SGCZ: variants seen among roughly 807,000 people sequenced by gnomAD.
SGCZ encodes the protein sarcoglycan zeta, also known as zeta-sarcoglycan.
In SGCZ, 40 loss-of-function variants were observed where a neutral mutation model predicts 41.3. That is an observed-to-expected ratio of 0.97 (90% confidence interval 0.75 to 1.26). The LOEUF (loss-of-function observed/expected upper bound fraction) is 1.26. Ranked by LOEUF, SGCZ falls within the 50% of genes most tolerant of loss-of-function variation. The pLI, the probability that SGCZ is intolerant of heterozygous loss-of-function variation, is 0.00. For synonymous variants in SGCZ, 206 were observed against 137.5 expected, an observed-to-expected ratio of 1.50 and a Z score of -3.49; for missense variants, 552 against 369.8, an observed-to-expected ratio of 1.49 and a Z score of -4.04.
At chr8:14,739,757 G>A (rs1227633989) in intron 1 of SGCZ, among the ~76,000 whole-genome samples, 1 of 151,988 alleles carries the variant, frequency 6.6e-6, no homozygotes, top group Non-Finnish European at 1.5e-5. Flanking sequence ...ACGTTAAAAG[G>A]AAAGGGGAAA....
At position 14,999,091 on chromosome 8, in the gene SGCZ, C is replaced by G. The variant is rs996842214; in HGVS notation, c.39+238494G>C. Among the ~76,000 whole-genome samples the G allele has an allele frequency of 6.6e-5, 10 of 152,286 alleles. 1 individual carries two copies. Among genetic ancestry groups the G allele is most frequent in the Admixed American group, 3.3e-4 (5 of 15,302 alleles). ...ATGGACAACACCTTTAGGGTGTTAT[C>G]TCTTACTGATTCTGACTGATTATTT... On this transcript the variant is annotated intron_variant, in intron 1 of 7. Coordinates refer to ENST00000382080, the MANE Select transcript of SGCZ (RefSeq NM_139167.4).
chr8:15,022,617 C>A (rs779553139), intron 1 of SGCZ, among the ~76,000 whole-genome samples: 2 of 152,180 alleles, frequency 1.3e-5, no homozygotes, highest in African/African-American at 2.4e-5. Context: ...GCTGGGATCA[C>A]AGGCGTGAAC....
chr8:14,909,500 T>G (rs1799219880), intron 1 of SGCZ, among the ~76,000 whole-genome samples: 1 of 152,176 alleles, frequency 6.6e-6, no homozygotes, highest in South Asian at 2.1e-4. Context: ...AAATTATCTG[T>G]GTCTGATTTA....
chr8:14,648,861 T>C (rs77445576), intron 1 of SGCZ, among the ~76,000 whole-genome samples: 118 of 152,082 alleles, frequency 7.8e-4, no homozygotes, highest in Non-Finnish European at 1.1e-3. Flanking sequence ...AGGGTCAAGT[T>C]TGGTGTTTTA....
intron 3 of SGCZ, among the ~76,000 whole-genome samples, chr8:14,240,834 CAT>C (rs1798858087): frequency 6.6e-6 from 1 of 152,166 alleles, no homozygotes; most frequent in Non-Finnish European, 1.5e-5. Flanking sequence ...AGGTTTAACA[CAT>C]GACTTTTTAC....
At chr8:14,689,704 C>A (rs1808735597) in intron 1 of SGCZ, among the ~76,000 whole-genome samples, 1 of 152,148 alleles carries the variant, frequency 6.6e-6, no homozygotes, top group South Asian at 2.1e-4. Flanking sequence ...ACAGCTGCAC[C>A]TGCTCTTATT....
At chr8:14,421,423 A>G (rs936252612) in intron 2 of SGCZ, among the ~76,000 whole-genome samples, 2 of 152,160 alleles carry the variant, frequency 1.3e-5, no homozygotes, top group African/African-American at 4.8e-5. Context: ...TGATTAATGC[A>G]TGTATATACC....
chr8:14,273,211 A>G (rs1800117818), intron 3 of SGCZ, among the ~76,000 whole-genome samples: 1 of 152,128 alleles, frequency 6.6e-6, no homozygotes, highest in African/African-American at 2.4e-5. Context: ...AATTAAAATA[A>G]TATAAAATGT....
intron 4 of SGCZ, among the ~76,000 whole-genome samples, chr8:14,179,963 G>C (rs918403582): frequency 2.0e-5 from 3 of 152,186 alleles, no homozygotes; most frequent in Non-Finnish European, 4.4e-5. Flanking sequence ...CCAAGCACTA[G>C]GGGCCTCTCT....
chr8:15,017,795 G>A (rs1458539927), intron 1 of SGCZ, among the ~76,000 whole-genome samples: 2 of 152,114 alleles, frequency 1.3e-5, no homozygotes, highest in East Asian at 3.9e-4. Flanking sequence ...TGTGAGCCGT[G>A]GTGCCTGGCC....
chr8:15,152,379 C>T (rs955441294), intron 1 of SGCZ, among the ~76,000 whole-genome samples: 1 of 152,092 alleles, frequency 6.6e-6, no homozygotes, highest in African/African-American at 2.4e-5. Context: ...ACAGGATGCT[C>T]GAGTACAGTA....
At chr8:14,788,768 C>G (rs558637851) in intron 1 of SGCZ, among the ~76,000 whole-genome samples, 2 of 152,248 alleles carry the variant, frequency 1.3e-5, no homozygotes, top group East Asian at 3.9e-4. Flanking sequence ...AAAGCGCTAG[C>G]TTCCTGCCAG....
intron 1 of SGCZ, among the ~76,000 whole-genome samples, chr8:15,041,581 T>G (rs1371609277): frequency 1.3e-5 from 2 of 152,112 alleles, no homozygotes; most frequent in African/African-American, 4.8e-5. Flanking sequence ...AAGTATTTCC[T>G]AGTCAGATTC....
intron 1 of SGCZ, among the ~76,000 whole-genome samples, chr8:14,832,815 A>G (rs1483663071): frequency 6.6e-6 from 1 of 152,086 alleles, no homozygotes; most frequent in Non-Finnish European, 1.5e-5. Context: ...CATTAATCCA[A>G]CCTTTCAAAT....
At chr8:14,328,613 T>C (rs1194409785) in intron 2 of SGCZ, among the ~76,000 whole-genome samples, 3 of 152,212 alleles carry the variant, frequency 2.0e-5, no homozygotes, top group East Asian at 1.9e-4. Context: ...TTTTGTCTTA[T>C]AAAAACTCAT....
chr8:14,332,930 T>G (rs1032913670), intron 2 of SGCZ, among the ~76,000 whole-genome samples: 5 of 150,038 alleles, frequency 3.3e-5, no homozygotes, highest in Admixed American at 6.7e-5. Flanking sequence ...TATACATATA[T>G]ATACATATAT....
intron 1 of SGCZ, among the ~76,000 whole-genome samples, chr8:14,867,252 C>T (rs77183301): frequency 1.3e-5 from 2 of 152,068 alleles, no homozygotes; most frequent in Non-Finnish European, 2.9e-5. Context: ...TGGTCTCGAT[C>T]TCCATCCATA....
intron 1 of SGCZ, among the ~76,000 whole-genome samples, chr8:15,005,568 T>G (rs1271561664): frequency 5.4e-5 from 2 of 37,298 alleles, no homozygotes; most frequent in African/African-American, 1.9e-4. Context: ...TGACCTCAGG[T>G]TGTTCCGCCC....
intron 1 of SGCZ, among the ~76,000 whole-genome samples, chr8:14,565,217 T>C (rs527479452): frequency 3.5e-4 from 54 of 152,300 alleles, no homozygotes; most frequent in Non-Finnish European, 5.4e-4. Flanking sequence ...TTTTCAGTCA[T>C]TCTTAGTTTT....
Sources: gnomAD v4.1 joint callset for allele counts (sites outside exome capture counted in the v4.1 genomes callset) on GRCh38, gnomAD v4.1.1 for gene constraint, MANE v1.5 for transcripts, NCBI Gene and HGNC (gene_info 2026-07-23, HGNC 2026-07-21) for gene names.